Variants in HIVEP2 observed in about 807,000 individuals in gnomAD.
The protein encoded by HIVEP2 is transcription factor HIVEP2.
Under a neutral mutation model 180.7 loss-of-function variants are expected in HIVEP2, and 14 were observed. The observed-to-expected ratio is 0.08, with a 90% CI of 0.05 to 0.12. The LOEUF (loss-of-function observed/expected upper bound fraction) is 0.12. Ranked by LOEUF, HIVEP2 falls within the 10% of genes least tolerant of loss-of-function variation. The pLI is 1.00. For synonymous variants in HIVEP2, 1,184 were observed against 1,136.4 expected (o/e 1.04, Z -0.84); for missense variants, 2,579 against 3,008.5 (o/e 0.86, Z 3.34).
At chr6:142,866,704 A>G (rs1776146827) in intron 1 of HIVEP2, among the ~76,000 whole-genome samples, 1 of 152,172 alleles carries the variant, frequency 6.6e-6, no homozygotes, top group African/African-American at 2.4e-5. Flanking sequence ...GGATAAATAT[A>G]TAAAGCTGTG....
At chr6:142,758,898 C>A (rs1371939970) in intron 9 of HIVEP2, among the ~76,000 whole-genome samples, 1 of 152,134 alleles carries the variant, frequency 6.6e-6, no homozygotes, top group African/African-American at 2.4e-5. Context: ...AGCAGACAGG[C>A]TCATGTCTTT....
At chr6:142,845,780 G>T (rs185510746) in intron 1 of HIVEP2, among the ~76,000 whole-genome samples, 2 of 152,356 alleles carry the variant, frequency 1.3e-5, no homozygotes, top group African/African-American at 4.8e-5. Flanking sequence ...TGCCAAGGAG[G>T]CTCCTCAGAT....
At chr6:142,845,867 C>CCCA (rs1775500418) in intron 1 of HIVEP2, among the ~76,000 whole-genome samples, 1 of 152,248 alleles carries the variant, frequency 6.6e-6, no homozygotes, top group Admixed American at 6.5e-5. Context: ...GGTGCAAACT[C>CCCA]GTCTTCCGCA....
intron 2 of HIVEP2, among the ~76,000 whole-genome samples, chr6:142,826,506 C>T (rs112432002): frequency 6.8e-4 from 104 of 152,304 alleles, no homozygotes; most frequent in Non-Finnish European, 1.2e-3. Flanking sequence ...AACATACTAA[C>T]CCTATCTATC....
chr6:142,938,269 A>G (rs1394395423), intron 1 of HIVEP2, among the ~76,000 whole-genome samples: 2 of 152,252 alleles, frequency 1.3e-5, no homozygotes, highest in Non-Finnish European at 2.9e-5. Context: ...AGGCATGGCA[A>G]CGCATGTAAT....
intron 2 of HIVEP2, among the ~76,000 whole-genome samples, chr6:142,826,380 C>G (rs1045511120): frequency 1.3e-5 from 2 of 152,058 alleles, no homozygotes; most frequent in African/African-American, 4.8e-5. Context: ...CTCAATGGTC[C>G]CTCACAATTC....
intron 1 of HIVEP2, among the ~76,000 whole-genome samples, chr6:142,864,815 T>G (rs963937089): frequency 2.0e-5 from 3 of 152,128 alleles, no homozygotes; most frequent in African/African-American, 7.2e-5. Flanking sequence ...CCCTCAGAAT[T>G]CTCCTTTCCT....
rs1202260505 is a variant in HIVEP2, at chr6:142,752,402, A to G, written c.*705T>C. 6.5e-6 allele frequency: 1 copy of G among 152,678 alleles called. No individual in the cohort carries two copies. The highest frequency in any genetic ancestry group is 1.9e-4 in the East Asian group (1 of 5,208). 9.5% of individuals were successfully genotyped at this position (152,678 alleles called of 1,614,324 possible). On this transcript the variant is annotated 3_prime_UTR_variant, in exon 10 of 10. Coordinates refer to ENST00000367603, the MANE Select transcript of HIVEP2 (RefSeq NM_006734.4). ...GCACTTAAGTTATAGTCAATCCAGC[A>G]AACAAGAGACAAAAAAATATACAAG...
chr6:142,904,595 T>C (rs1044463081), intron 1 of HIVEP2, among the ~76,000 whole-genome samples: 6 of 152,114 alleles, frequency 3.9e-5, no homozygotes, highest in African/African-American at 1.4e-4. Flanking sequence ...TAATTCAATA[T>C]GGATATTAGT....
At chr6:142,853,088 T>C (rs1037210597) in intron 1 of HIVEP2, among the ~76,000 whole-genome samples, 41 of 152,330 alleles carry the variant, frequency 2.7e-4, no homozygotes, top group Admixed American at 2.4e-3. Flanking sequence ...AGTTGGTAGC[T>C]AGATCCATAG....
intron 1 of HIVEP2, among the ~76,000 whole-genome samples, chr6:142,880,345 A>G (rs544923047): frequency 3.3e-5 from 5 of 152,216 alleles, no homozygotes; most frequent in Non-Finnish European, 4.4e-5. Flanking sequence ...AGCCACACCA[A>G]AAAAATTGAC....
intron 6 of HIVEP2, among the ~76,000 whole-genome samples, chr6:142,766,992 A>T (rs1775394529): frequency 6.6e-6 from 1 of 152,228 alleles, no homozygotes; most frequent in Admixed American, 6.5e-5. Flanking sequence ...AAGTAATGGG[A>T]CACAGCCCAT....
Position 142,940,414 on chromosome 6 carries a change from C to T in HIVEP2, c.-641+4685G>A, listed in dbSNP as rs182585252. ...TGTGGAAGCACTGAGAAGAGACAGG[C>T]GTTATGCACAAGGTTCTTCCAATTT... On this transcript the variant is annotated intron_variant, in intron 1 of 9. Transcript: ENST00000367603. Among the ~76,000 whole-genome samples the T allele has an allele frequency of 3.9e-5, 6 of 152,298 alleles. No individual in the cohort carries two copies. In the East Asian group the frequency reaches 9.6e-4, roughly 24 times the overall value.
chr6:142,800,217 C>G (rs1776371084), intron 2 of HIVEP2, among the ~76,000 whole-genome samples: 1 of 152,158 alleles, frequency 6.6e-6, no homozygotes, highest in African/African-American at 2.4e-5. Context: ...CCACATTGAG[C>G]TGCTGAAGTG....
In HIVEP2 at chr6:142,774,322, A is replaced by G; in HGVS notation, c.417T>C (p.Phe139=). 1.9e-6 allele frequency: 3 copies of G among 1,614,228 alleles called. No individual in the cohort carries two copies. The highest frequency in any genetic ancestry group is 2.5e-6 in the Non-Finnish European group (3 of 1,180,050). ...CACTGTGGCCATGTATAGGAAAAGGAAATAAGTCCTCAGAGGCAACGGATG... is the reference window on the plus strand; with the variant it reads ...CACTGTGGCCATGTATAGGAAAAGGGAATAAGTCCTCAGAGGCAACGGATG... ...PLPSVASEDL[F]PFPIHGHSGG... is the part of the protein sequence containing the mutation. Residue 139 remains phenylalanine (F), a synonymous_variant, in exon 5 of 10, where the codon TTT becomes TTC. Coordinates refer to ENST00000367603, the MANE Select transcript of HIVEP2 (RefSeq NM_006734.4). The surrounding 1 kb of genome is among the most constrained non-coding windows in gnomAD (Gnocchi z 5.1).
chr6:142,789,703 T>C (rs1475978257), intron 2 of HIVEP2, among the ~76,000 whole-genome samples: 1 of 152,220 alleles, frequency 6.6e-6, no homozygotes, highest in Non-Finnish European at 1.5e-5. Flanking sequence ...TCCACACTAC[T>C]TCCTCTTATT....
chr6:142,911,019 G>C (rs143271145), intron 1 of HIVEP2, among the ~76,000 whole-genome samples: 153 of 151,794 alleles, frequency 1.0e-3, no homozygotes, highest in African/African-American at 3.7e-3. Flanking sequence ...TTTAATGAAT[G>C]CCACCCTCTG....
intron 6 of HIVEP2, 142 bp downstream of exon 6, chr6:142,768,240 C>A (rs769642915): frequency 2.8e-6 from 2 of 704,466 alleles, no homozygotes; most frequent in South Asian, 2.3e-5. Flanking sequence ...CTATTACCAG[C>A]CAGAGTTCAG....
In HIVEP2 at chr6:142,819,139, C is replaced by T. The variant is rs1016166717; in HGVS notation, c.-528+17796G>A. Among the ~76,000 whole-genome samples, 3 of 151,924 alleles carry T rather than the reference C, an allele frequency of 2.0e-5. No homozygotes were observed. In the East Asian group the frequency reaches 5.8e-4, roughly 29 times the overall value. On this transcript the variant is annotated intron_variant, in intron 2 of 9. Transcript: ENST00000367603. ...GTCCCAGCCACTTGGGAGGCTGAGG[C>T]AGGAGGGTTGCTTGAGCCCAGGATG...
Sources: gnomAD v4.1 joint callset for allele counts (sites outside exome capture counted in the v4.1 genomes callset) on GRCh38, gnomAD v4.1.1 for gene constraint, Gnocchi (gnomAD v3.1) non-coding constraint, MANE v1.5 for transcripts, NCBI Gene and HGNC (gene_info 2026-07-23, HGNC 2026-07-21) for gene names.